Variants in NRIP3 observed in about 807,000 individuals in gnomAD.
NRIP3 encodes nuclear receptor interacting protein 3.
Under a neutral mutation model 29.0 loss-of-function variants are expected in NRIP3, and 31 were observed. The ratio of observed to expected loss-of-function variants is 1.07; its 90% CI spans 0.80 to 1.44. The LOEUF (loss-of-function observed/expected upper bound fraction) is 1.44, where lower values mean the gene tolerates loss of function less well. Among genes scored for constraint, NRIP3 ranks in the 40% most tolerant of loss-of-function variants. The pLI is 0.00. For synonymous variants in NRIP3, 131 were observed against 118.3 expected (o/e 1.11, Z -0.70); for missense variants, 314 against 297.9 (o/e 1.05, Z -0.40).
At position 8,985,705 on chromosome 11, in the gene NRIP3, G is replaced by A. The variant is rs1854509680; in HGVS notation, c.562+6C>T. 16 of 1,613,382 alleles carry A rather than the reference G, an allele frequency of 9.9e-6. No individual in the cohort carries two copies. Among genetic ancestry groups the A allele is most frequent in the Non-Finnish European group, 1.4e-5 (16 of 1,179,868 alleles). On this transcript the variant is annotated splice_donor_region_variant and intron_variant, in intron 4 of 6. Coordinates refer to ENST00000309166, the MANE Select transcript of NRIP3 (RefSeq NM_020645.3). ...GTCCATAGGTCCAGCCCTCAATTCT[G>A]CTTACCAACCACAGCTGCTGGGCAG...
chr11:9,003,651 G>C (rs572326467), intron 1 of NRIP3, 111 bp downstream of exon 1: 3 of 1,107,674 alleles, frequency 2.7e-6, no homozygotes, highest in Non-Finnish European at 3.6e-6. Flanking sequence ...CGCGAGCCAA[G>C]GGCAGCGGCG....
chr11:8,985,901 G>T, intron 3 of NRIP3, 51 bp from the exon 4 acceptor site: 1 of 1,600,034 alleles, frequency 6.2e-7, no homozygotes, highest in Non-Finnish European at 8.5e-7. Context: ...ATTCCTGGTA[G>T]AATCCTGCAA....
chr11:8,990,929 T>G (rs961412919), intron 1 of NRIP3, among the ~76,000 whole-genome samples: 1 of 152,204 alleles, frequency 6.6e-6, no homozygotes, highest in Non-Finnish European at 1.5e-5. Flanking sequence ...TCAAAAAATA[T>G]TAATACATTT....
intron 2 of NRIP3, 99 bp from the exon 3 acceptor site, chr11:8,987,729 G>T: frequency 2.2e-6 from 2 of 907,478 alleles, no homozygotes; most frequent in Non-Finnish European, 1.8e-6. Context: ...AGGCAGGGTT[G>T]GAGAGCATCC....
chr11:8,998,485 T>C (rs1854745529), intron 1 of NRIP3, among the ~76,000 whole-genome samples: 1 of 152,186 alleles, frequency 6.6e-6, no homozygotes, highest in South Asian at 2.1e-4. Flanking sequence ...TTCTTCCTAC[T>C]CTGAGGTTCT....
intron 1 of NRIP3, among the ~76,000 whole-genome samples, chr11:9,000,578 G>T (rs1854776274): frequency 6.6e-6 from 1 of 152,162 alleles, no homozygotes; most frequent in Non-Finnish European, 1.5e-5. Context: ...TAAGAATATG[G>T]CCTAATGCCT....
At chr11:9,002,691 C>A (rs996375627) in intron 1 of NRIP3, among the ~76,000 whole-genome samples, 2 of 149,980 alleles carry the variant, frequency 1.3e-5, no homozygotes, top group African/African-American at 4.9e-5. Flanking sequence ...CCGACAACCA[C>A]ATCCAAAATT....
At chr11:8,999,761 C>T (rs777640085) in intron 1 of NRIP3, among the ~76,000 whole-genome samples, 5 of 152,048 alleles carry the variant, frequency 3.3e-5, no homozygotes, top group Non-Finnish European at 5.9e-5. Flanking sequence ...CTGCCTAGAA[C>T]ACTCTTCCCT....
intron 1 of NRIP3, among the ~76,000 whole-genome samples, chr11:8,997,699 C>T (rs117531678): frequency 0.012 from 1,810 of 152,322 alleles, 13 homozygotes; most frequent in Non-Finnish European, 0.017. Flanking sequence ...CTGGCACCCA[C>T]ACTGCTTAAA....
rs1854549030 is a variant in NRIP3, at chr11:8,988,267, G to A, written c.190C>T (p.Leu64=). Residue 64 remains leucine, a synonymous_variant, in exon 2 of 7, where the codon CTG becomes TTG. Transcript: ENST00000309166. ...TTGGTTTCCATGAGGCGCCTCTGCAGAATATTATGAGGTTGCTTGAGGGAT... is the reference window on the plus strand; with the variant it reads ...TTGGTTTCCATGAGGCGCCTCTGCAAAATATTATGAGGTTGCTTGAGGGAT... ...SSKDMQPHNI[L]QRRLMETNLS... The A allele has an allele frequency of 1.9e-6, 3 of 1,613,988 alleles. No individual in the cohort carries two copies. Among genetic ancestry groups the A allele is most frequent in the African/African-American group, 2.7e-5 (2 of 75,048 alleles).
chr11:8,999,057 C>A, intron 1 of NRIP3, among the ~76,000 whole-genome samples: 1 of 152,112 alleles, frequency 6.6e-6, no homozygotes, highest in East Asian at 1.9e-4. Context: ...CCCGCCTCGG[C>A]CTCCCAAACT....
intron 1 of NRIP3, among the ~76,000 whole-genome samples, chr11:9,003,377 G>T (rs925520007): frequency 6.6e-6 from 1 of 152,168 alleles, no homozygotes; most frequent in African/African-American, 2.4e-5. Context: ...AAGCCATTAG[G>T]AATCACCTCT....
At chr11:9,002,906 C>A (rs1429860153) in intron 1 of NRIP3, among the ~76,000 whole-genome samples, 1 of 152,240 alleles carries the variant, frequency 6.6e-6, no homozygotes. Context: ...AGGACCACTA[C>A]AGTGGCTGAG....
intron 1 of NRIP3, among the ~76,000 whole-genome samples, chr11:8,999,130 C>T (rs941212645): frequency 6.6e-6 from 1 of 152,168 alleles, no homozygotes; most frequent in Non-Finnish European, 1.5e-5. Context: ...TATTTGCCAT[C>T]CTCAACCTGC....
At chr11:8,993,030 A>C (rs1379251840) in intron 1 of NRIP3, among the ~76,000 whole-genome samples, 1 of 152,234 alleles carries the variant, frequency 6.6e-6, no homozygotes, top group African/African-American at 2.4e-5. Flanking sequence ...TGCATGCTTC[A>C]CCAAAGCAAG....
In NRIP3 at chr11:8,981,283, C is replaced by G. The variant is rs1169305978; in HGVS notation, c.*2262G>C. The G allele has an allele frequency of 7.7e-6, 1 of 130,218 alleles. No individual in the cohort carries two copies. Among genetic ancestry groups the G allele is most frequent in the Non-Finnish European group, 1.8e-5 (1 of 54,868 alleles). 8.1% of individuals were successfully genotyped at this position (130,218 alleles called of 1,614,324 possible). A position where few individuals can be genotyped will look rare whatever the true frequency, so the allele number is the denominator to read the frequency against. ...AGGAGATCGAGACCATCCTAGCTAACACGGTGAAACCCGTCTCTACTAAAA... is the reference window on the plus strand; with the variant it reads ...AGGAGATCGAGACCATCCTAGCTAAGACGGTGAAACCCGTCTCTACTAAAA... On this transcript the variant is annotated 3_prime_UTR_variant, in exon 7 of 7. Coordinates refer to ENST00000309166, the MANE Select transcript of NRIP3 (RefSeq NM_020645.3).
intron 4 of NRIP3, 135 bp from the exon 5 acceptor site, chr11:8,984,259 T>G (rs1345098742): frequency 1.1e-5 from 4 of 375,578 alleles, no homozygotes; most frequent in Admixed American, 5.4e-5. Flanking sequence ...TTATTTTTTT[T>G]TTATTTTTTT....
At chr11:8,998,784 ATTTTTTTTTTTTTT>A (rs767253373) in intron 1 of NRIP3, among the ~76,000 whole-genome samples, 12 of 77,570 alleles carry the variant, frequency 1.5e-4, no homozygotes, top group African/African-American at 5.6e-4. Flanking sequence ...CAAACTCTTC[ATTTTTTTTTTTTTT>A]TTTTTTTTTT....
Position 8,983,905 on chromosome 11 carries a change from A to G in NRIP3, c.680T>C (p.Phe227Ser). 1 of 1,614,168 alleles carries G rather than the reference A, an allele frequency of 6.2e-7. No homozygotes were observed. The highest frequency in any genetic ancestry group is 8.5e-7 in the Non-Finnish European group (1 of 1,180,026). The change falls in exon 6 of 7, where the codon TTT becomes TCT. Residue 227 changes from phenylalanine (F) to serine (S), a missense_variant. Coordinates refer to ENST00000309166, the MANE Select transcript of NRIP3 (RefSeq NM_020645.3). Reference sequence around the variant, plus strand: ...TTCATTCAAAGAGACTGTCTCCACAAAAGGGATTTCTTCCTTGTCTGTCTT... The same window carrying G: ...TTCATTCAAAGAGACTGTCTCCACAGAAGGGATTTCTTCCTTGTCTGTCTT... ...MGKTDKEEIP[F>S]VETVSLNEDN...
Sources: gnomAD v4.1 joint callset for allele counts (sites outside exome capture counted in the v4.1 genomes callset) on GRCh38, gnomAD v4.1.1 for gene constraint, MANE v1.5 for transcripts, NCBI Gene and HGNC (gene_info 2026-07-23, HGNC 2026-07-21) for gene names.